The following XRCC4 variants were observed in gnomAD, a reference collection of about 807,000 sequenced individuals.
The protein encoded by XRCC4 is DNA repair protein XRCC4.
In XRCC4, 28 loss-of-function variants were observed where a neutral mutation model predicts 39.1. That is an observed-to-expected ratio of 0.72 (90% CI 0.53 to 0.98). The LOEUF (loss-of-function observed/expected upper bound fraction) is 0.98, where lower values mean the gene tolerates loss of function less well. Ranked by LOEUF, XRCC4 falls within the 50% of genes least tolerant of loss-of-function variation. The probability of loss-of-function intolerance (pLI) is 0.00; values close to 1 mark genes in which losing one functional copy is unlikely to be tolerated. For missense variants in XRCC4, 350 were observed against 376.4 expected, an observed-to-expected ratio of 0.93 and a Z score of 0.58; for synonymous variants, 123 against 126.4, an observed-to-expected ratio of 0.97 and a Z score of 0.18.
chr5:83,247,290 C>T (rs1240517177), intron 6 of XRCC4, among the ~76,000 whole-genome samples: 1 of 152,100 alleles, frequency 6.6e-6, no homozygotes, highest in Non-Finnish European at 1.5e-5. Context: ...AGCAGGGGTC[C>T]TCAATCCCCT....
At chr5:83,174,873 A>G (rs1252916526) in intron 3 of XRCC4, among the ~76,000 whole-genome samples, 2 of 148,902 alleles carry the variant, frequency 1.3e-5, no homozygotes, top group Admixed American at 1.3e-4. Flanking sequence ...ATGGTGTGGT[A>G]TTATAATCAT....
chr5:83,171,065 C>G (rs1749699125), intron 3 of XRCC4, among the ~76,000 whole-genome samples: 1 of 152,126 alleles, frequency 6.6e-6, no homozygotes, highest in Non-Finnish European at 1.5e-5. Flanking sequence ...CTTAAATTCA[C>G]TCTAATAGAC....
chr5:83,158,681 A>C (rs1176622872), intron 3 of XRCC4, among the ~76,000 whole-genome samples: 1 of 152,120 alleles, frequency 6.6e-6, no homozygotes, highest in Non-Finnish European at 1.5e-5. Context: ...ACAGTTGCAC[A>C]TTATACTAAA....
chr5:83,235,691 A>G (rs997079862), intron 6 of XRCC4, among the ~76,000 whole-genome samples: 1 of 152,134 alleles, frequency 6.6e-6, no homozygotes, highest in Non-Finnish European at 1.5e-5. Context: ...TTTACTCACA[A>G]TGTTTATTCC....
intron 3 of XRCC4, among the ~76,000 whole-genome samples, chr5:83,124,009 G>A (rs978552838): frequency 1.3e-5 from 2 of 152,054 alleles, no homozygotes; most frequent in Non-Finnish European, 2.9e-5. Flanking sequence ...CAGCTTTCCC[G>A]ATGATAACAA....
Position 83,248,461 on chromosome 5 carries a change from T to A in XRCC4, c.746-10069T>A, listed in dbSNP as rs116004125. Among the ~76,000 whole-genome samples, 557 of 152,220 alleles carry A rather than the reference T, an allele frequency of 3.7e-3. 4 individuals are homozygous for A. The highest frequency in any genetic ancestry group is 0.013 in the African/African-American group (539 of 41,546). ...AATTATTAGACAGATCTAAGAACTG[T>A]TTATGTGGTACTGATTAGATTTTCA... On this transcript the variant is annotated intron_variant, in intron 6 of 7. Coordinates refer to ENST00000396027, the MANE Select transcript of XRCC4 (RefSeq NM_003401.5).
intron 6 of XRCC4, among the ~76,000 whole-genome samples, chr5:83,246,929 A>C (rs1262218602): frequency 6.6e-6 from 1 of 152,208 alleles, no homozygotes; most frequent in Non-Finnish European, 1.5e-5. Flanking sequence ...TATGAGGTTG[A>C]AATGTGGACT....
At chr5:83,194,156 C>A (rs560198524) in intron 3 of XRCC4, among the ~76,000 whole-genome samples, 112 of 152,124 alleles carry the variant, frequency 7.4e-4, no homozygotes, top group Non-Finnish European at 1.2e-3. Flanking sequence ...GTTGGCCAGG[C>A]AGGTTTCGAA....
At chr5:83,222,490 T>C (rs1393363953) in intron 6 of XRCC4, among the ~76,000 whole-genome samples, 1 of 152,186 alleles carries the variant, frequency 6.6e-6, no homozygotes, top group African/African-American at 2.4e-5. Context: ...TCTTTATCTT[T>C]TACCTTGTGC....
At chr5:83,115,654 C>T (rs1054858264) in intron 3 of XRCC4, among the ~76,000 whole-genome samples, 4 of 152,080 alleles carry the variant, frequency 2.6e-5, no homozygotes, top group African/African-American at 4.8e-5. Flanking sequence ...TTTTGCTTAC[C>T]ACCCTGAAAG....
chr5:83,310,271 C>A (rs528541008), intron 7 of XRCC4, among the ~76,000 whole-genome samples: 1 of 152,244 alleles, frequency 6.6e-6, no homozygotes, highest in South Asian at 2.1e-4. Context: ...GGCCATTCAA[C>A]TAAGAGGAGC....
chr5:83,341,985 A>G (rs914157588), intron 7 of XRCC4, among the ~76,000 whole-genome samples: 2 of 152,222 alleles, frequency 1.3e-5, no homozygotes, highest in Non-Finnish European at 2.9e-5. Context: ...AGCGGCAGTC[A>G]GCTCACAGAT....
chr5:83,161,210 A>G (rs1362923761), intron 3 of XRCC4, among the ~76,000 whole-genome samples: 4 of 151,522 alleles, frequency 2.6e-5, no homozygotes, highest in African/African-American at 9.7e-5. Context: ...TCCTGGGTTC[A>G]AGCAATTCTC....
In XRCC4 at chr5:83,344,415, CTTTT is replaced by C. The variant is rs70973394; in HGVS notation, c.894-8696_894-8693del. Among the ~76,000 whole-genome samples, 294 of 115,216 alleles carry C rather than the reference CTTTT, an allele frequency of 2.6e-3. 1 individual carries two copies. The highest frequency in any genetic ancestry group is 9.9e-3 in the African/African-American group (270 of 27,246). The allele number at this position is 115,216 out of a possible 152,430, so 75.6% of individuals were successfully genotyped here. A position where few individuals can be genotyped will look rare whatever the true frequency, so the allele number is the denominator to read the frequency against. ...CCACACCCAGCTAATTTATTTTTCA[CTTTT>C]TTTTTTTTTTTTTTTTTTTGTAGAG... is the stretch of plus-strand genomic sequence containing the variant. On this transcript the variant is annotated intron_variant, in intron 7 of 7. Coordinates refer to ENST00000396027, the MANE Select transcript of XRCC4 (RefSeq NM_003401.5).
At chr5:83,231,041 G>A (rs1172328300) in intron 6 of XRCC4, among the ~76,000 whole-genome samples, 1 of 151,918 alleles carries the variant, frequency 6.6e-6, no homozygotes, top group Non-Finnish European at 1.5e-5. Flanking sequence ...GATTATGAAA[G>A]TAAAATACGT....
chr5:83,271,161 A>C (rs1427779989), intron 7 of XRCC4, among the ~76,000 whole-genome samples: 1 of 152,014 alleles, frequency 6.6e-6, no homozygotes, highest in Admixed American at 6.6e-5. Context: ...TATTTTACTT[A>C]ATTGCTTACT....
the XRCC4 span, among the ~76,000 whole-genome samples, chr5:83,371,633 C>A: frequency 1.1e-4 from 16 of 152,112 alleles, no homozygotes; most frequent in Non-Finnish European, 2.2e-4. Context: ...AGTGATGGGA[C>A]AGAAACCAGA....
At chr5:83,365,436 C>A in the XRCC4 span, among the ~76,000 whole-genome samples, 3 of 152,138 alleles carry the variant, frequency 2.0e-5, no homozygotes, top group Non-Finnish European at 2.9e-5. Context: ...AAATGTTTTA[C>A]GACTGCTTCA....
chr5:83,365,550 G>A, the XRCC4 span, among the ~76,000 whole-genome samples: 1 of 151,644 alleles, frequency 6.6e-6, no homozygotes. Context: ...AGACACATAC[G>A]GTTATACAGC....
Sources: gnomAD v4.1 joint callset for allele counts (sites outside exome capture counted in the v4.1 genomes callset) on GRCh38, gnomAD v4.1.1 for gene constraint, MANE v1.5 for transcripts, NCBI Gene and HGNC (gene_info 2026-07-23, HGNC 2026-07-21) for gene names.